Variants in ACSL4 observed in about 807,000 individuals in gnomAD.
ACSL4 encodes acyl-CoA synthetase long chain family member 4.
Under a neutral mutation model 49.1 loss-of-function variants are expected in ACSL4, and 9 were observed. The ratio of observed to expected loss-of-function variants is 0.18; its 90% CI spans 0.11 to 0.32. The LOEUF is 0.32. Among genes scored for constraint, ACSL4 ranks in the 10% least tolerant of loss-of-function variants. The probability of loss-of-function intolerance (pLI) is 1.00; values close to 1 mark genes in which losing one functional copy is unlikely to be tolerated. For synonymous variants in ACSL4, 191 were observed against 170.3 expected, an observed-to-expected ratio of 1.12 and a Z score of -0.95; for missense variants, 333 against 493.7, an observed-to-expected ratio of 0.67 and a Z score of 3.08.
intron 2 of ACSL4, 195 bp from the exon 3 acceptor site, chrX:109,683,570 A>G (rs1924355313): frequency 1.3e-6 from 1 of 744,491 alleles, no homozygotes; most frequent in Admixed American, 2.4e-5. Flanking sequence ...AGGCAATAAT[A>G]GAAGCAGCAG....
intron 1 of ACSL4, among the ~76,000 whole-genome samples, chrX:109,713,060 GA>G (rs1440193235): frequency 1.9e-5 from 2 of 107,466 alleles, no homozygotes; most frequent in Non-Finnish European, 3.8e-5. Context: ...GGGAGGGAAG[GA>G]GGGATGAAGG....
At chrX:109,669,524 G>T (rs902001038) in intron 9 of ACSL4, among the ~76,000 whole-genome samples, 1 of 109,893 alleles carries the variant, frequency 9.1e-6, no homozygotes, top group African/African-American at 3.3e-5. Context: ...CTCCCCAGTA[G>T]CTGGGACTAC....
chrX:109,645,945 A>G (rs1174443281), intron 15 of ACSL4, among the ~76,000 whole-genome samples: 5 of 112,011 alleles, frequency 4.5e-5, no homozygotes, highest in Non-Finnish European at 9.4e-5. Context: ...AAATGAATGA[A>G]ATGGAGTGAG....
intron 11 of ACSL4, among the ~76,000 whole-genome samples, chrX:109,666,806 T>TC (rs1405910021): frequency 8.9e-6 from 1 of 111,862 alleles, no homozygotes; most frequent in African/African-American, 3.3e-5. Flanking sequence ...TCCCAGCTAC[T>TC]CAGGAGGCTA....
intron 1 of ACSL4, among the ~76,000 whole-genome samples, chrX:109,709,821 G>A (rs1403461285): frequency 8.9e-6 from 1 of 112,101 alleles, no homozygotes; most frequent in Non-Finnish European, 1.9e-5. Context: ...TAAAATGAAG[G>A]CGAGGCCGGG....
chrX:109,707,024 T>C (rs1437307905), intron 1 of ACSL4, among the ~76,000 whole-genome samples: 1 of 112,142 alleles, frequency 8.9e-6, no homozygotes, highest in Non-Finnish European at 1.9e-5. Context: ...AAAGTACATA[T>C]GGAATTACAA....
At chrX:109,661,467 A>G in intron 14 of ACSL4, 64 bp downstream of exon 14, 1 of 786,081 alleles carries the variant, frequency 1.3e-6, no homozygotes. Context: ...GATAATATGT[A>G]ATCACATTAT....
chrX:109,732,131 T>C (rs1928505791), intron 1 of ACSL4, among the ~76,000 whole-genome samples: 1 of 112,376 alleles, frequency 8.9e-6, no homozygotes, highest in Non-Finnish European at 1.9e-5. Flanking sequence ...GAAGCGCTGA[T>C]GAGACCATTA....
chrX:109,722,380 C>A (rs920543781), intron 1 of ACSL4, among the ~76,000 whole-genome samples: 1 of 111,758 alleles, frequency 8.9e-6, no homozygotes, highest in African/African-American at 3.2e-5. Context: ...GCCACAGATA[C>A]CTAGATTTTC....
chrX:109,677,132 T>C (rs1603404460), intron 8 of ACSL4, among the ~76,000 whole-genome samples: 1 of 109,951 alleles, frequency 9.1e-6, no homozygotes, highest in Admixed American at 9.6e-5. Flanking sequence ...GCTAATTCTT[T>C]TGTATTTTTT....
At position 109,644,237 on chromosome X, in the gene ACSL4, G is replaced by A. The variant is rs189219289; in HGVS notation, c.1856-51C>T. 6.8e-4 allele frequency: 756 copies of A among 1,109,322 alleles called. 3 individuals carry two copies. The African/African-American group carries it at 0.012, about 17-fold the overall frequency. The allele number at this position is 1,109,322 out of a possible 1,213,427, so 91.4% of individuals were successfully genotyped here. The stretch of plus-strand genomic sequence containing the variant: ...GAAAAGGAGAGGGGGGGAAAGAGAC[G>A]AGAAAGGAGTGGGGACGGGGAAAGA... On this transcript the variant is annotated intron_variant, in intron 15 of 15. Transcript: ENST00000672401.
chrX:109,728,598 T>C lies in ACSL4; in HGVS notation c.-66+4541A>G, dbSNP rs1603413188. ...AATATAGTGAGAGCATGTGTGAATA[T>C]GTATTAACATTCTAAGCCATTAAGG... On this transcript the variant is annotated intron_variant, in intron 1 of 15. Coordinates refer to ENST00000672401, the MANE Select transcript of ACSL4 (RefSeq NM_001318510.2). Among the ~76,000 whole-genome samples the C allele has an allele frequency of 2.7e-5, 3 of 112,655 alleles. No individual in the cohort carries two copies. In the South Asian group the frequency reaches 1.1e-3, roughly 41 times the overall value.
Position 109,648,678 on chromosome X carries a change from G to A in ACSL4, c.1856-4492C>T, listed in dbSNP as rs1474680133. On this transcript the variant is annotated intron_variant, in intron 15 of 15. Transcript: ENST00000672401. ...GAGTGTTGGAAGTTCTGGCCAGGGC[G>A]ATCAGGCAGGAGAAGGAAATAAAGG... Among the ~76,000 whole-genome samples, 196 of 109,830 alleles carry A rather than the reference G, an allele frequency of 1.8e-3. 1 individual carries two copies. Among genetic ancestry groups the A allele is most frequent in the African/African-American group, 5.4e-3 (164 of 30,135 alleles).
At chrX:109,730,284 AAAG>A (rs747760854) in intron 1 of ACSL4, among the ~76,000 whole-genome samples, 1 of 112,488 alleles carries the variant, frequency 8.9e-6, no homozygotes, top group African/African-American at 3.2e-5. Flanking sequence ...AAAGGGAAAG[AAAG>A]AGTATATAAG....
At chrX:109,679,573 T>C (rs1924008930) in intron 6 of ACSL4, among the ~76,000 whole-genome samples, 1 of 112,393 alleles carries the variant, frequency 8.9e-6, no homozygotes, top group Admixed American at 9.4e-5. Flanking sequence ...GGACTGCATA[T>C]TTCCTCTGAT....
At chrX:109,646,258 G>A (rs1934691059) in intron 15 of ACSL4, among the ~76,000 whole-genome samples, 1 of 111,557 alleles carries the variant, frequency 9.0e-6, no homozygotes, top group Non-Finnish European at 1.9e-5. Context: ...AAAATGTTAA[G>A]GGCAGCCAGA....
intron 13 of ACSL4, among the ~76,000 whole-genome samples, chrX:109,662,939 T>G (rs1922296653): frequency 8.9e-6 from 1 of 111,751 alleles, no homozygotes; most frequent in Non-Finnish European, 1.9e-5. Flanking sequence ...CACTCAATGC[T>G]GCTGTTGCTA....
At chrX:109,700,207 CAAAAAAAAAAAAA>C (rs748667601) in intron 1 of ACSL4, among the ~76,000 whole-genome samples, 1 of 16,301 alleles carries the variant, frequency 6.1e-5, no homozygotes, top group Non-Finnish European at 1.1e-4. Flanking sequence ...GACTCCGTCT[CAAAAAAAAAAAAA>C]AAAAAAAAAA....
Position 109,642,898 on chromosome X carries a change from G to A in ACSL4, c.*1131C>T, listed in dbSNP as rs1484178079. On this transcript the variant is annotated 3_prime_UTR_variant, in exon 16 of 16. Transcript: ENST00000672401. ...CTTTAACTTCCCAAAACTCATCCAA[G>A]TTAATCACCTGTAAGTTCAAGCAAG... The A allele has an allele frequency of 9.0e-6, 1 of 111,210 alleles. No homozygotes were observed. Among genetic ancestry groups the A allele is most frequent in the Non-Finnish European group, 1.9e-5 (1 of 52,926 alleles). 9.2% of individuals were successfully genotyped at this position (111,210 alleles called of 1,213,427 possible).
Sources: gnomAD v4.1 joint callset for allele counts (sites outside exome capture counted in the v4.1 genomes callset) on GRCh38, gnomAD v4.1.1 for gene constraint, MANE v1.5 for transcripts, NCBI Gene and HGNC (gene_info 2026-07-23, HGNC 2026-07-21) for gene names.